Variants in GRM5 observed in about 807,000 individuals in gnomAD.
GRM5 encodes the protein glutamate metabotropic receptor 5, also known as metabotropic glutamate receptor 5.
Under a neutral mutation model 83.1 loss-of-function variants are expected in GRM5, and 19 were observed. That is an observed-to-expected ratio of 0.23 (90% CI 0.16 to 0.34). The LOEUF (loss-of-function observed/expected upper bound fraction) is 0.34. GRM5 is among the 10% of genes least tolerant of loss of function. The pLI, the probability that GRM5 is intolerant of heterozygous loss-of-function variation, is 1.00. For missense variants in GRM5, 1,160 were observed against 1,588.3 expected (o/e 0.73, Z 4.58); for synonymous variants, 675 against 633.6 (o/e 1.07, Z -0.98).
rs905233746 is a variant in GRM5, at chr11:88,649,067, TATA to T, written c.1147+4098_1147+4100del. Among the ~76,000 whole-genome samples, 55 of 145,006 alleles carry T rather than the reference TATA, an allele frequency of 3.8e-4. 1 individual carries two copies. Among genetic ancestry groups the T allele is most frequent in the Non-Finnish European group, 5.6e-4 (37 of 66,526 alleles). On this transcript the variant is annotated intron_variant, in intron 4 of 9. Coordinates refer to ENST00000305447, the MANE Select transcript of GRM5 (RefSeq NM_001143831.3). ...TATACATAATATATAATATATATAT[TATA>T]ATATATAATACATATATTAAAATAT... is the stretch of plus-strand genomic sequence containing the variant.
At chr11:88,623,659 C>T (rs1375357154) in intron 4 of GRM5, among the ~76,000 whole-genome samples, 1 of 152,174 alleles carries the variant, frequency 6.6e-6, no homozygotes, top group Non-Finnish European at 1.5e-5. Context: ...AGTAAATTGG[C>T]AGCTGTATTC....
intron 2 of GRM5, among the ~76,000 whole-genome samples, chr11:88,969,708 C>A (rs1248766843): frequency 6.6e-6 from 1 of 151,828 alleles, no homozygotes; most frequent in East Asian, 1.9e-4. Flanking sequence ...AGACATGAGA[C>A]CATCATTAAC....
chr11:88,969,328 C>T (rs2135000617), intron 2 of GRM5, among the ~76,000 whole-genome samples: 1 of 152,128 alleles, frequency 6.6e-6, no homozygotes, highest in South Asian at 2.1e-4. Context: ...TGCTTGGGGA[C>T]AGTATTTTTA....
chr11:88,826,056 G>A (rs1252220305), intron 3 of GRM5, among the ~76,000 whole-genome samples: 3 of 152,134 alleles, frequency 2.0e-5, no homozygotes, highest in Non-Finnish European at 2.9e-5. Flanking sequence ...CTGGTGTTAA[G>A]AGGTGTTTTC....
intron 2 of GRM5, among the ~76,000 whole-genome samples, chr11:88,913,630 A>G (rs1590959694): frequency 7.5e-6 from 1 of 132,746 alleles, no homozygotes; most frequent in Non-Finnish European, 1.5e-5. Flanking sequence ...TTTGTCACCC[A>G]GGCTGGAGTG....
chr11:89,034,159 A>G (rs546462933), intron 2 of GRM5, among the ~76,000 whole-genome samples: 6 of 151,866 alleles, frequency 4.0e-5, no homozygotes, highest in East Asian at 3.9e-4. Flanking sequence ...GTTGTATGCT[A>G]TATCTGTCAG....
chr11:88,531,390 G>T (rs1429310999), intron 8 of GRM5, among the ~76,000 whole-genome samples: 1 of 152,056 alleles, frequency 6.6e-6, no homozygotes, highest in Non-Finnish European at 1.5e-5. Flanking sequence ...GAAGGGAAAG[G>T]TCAGTGGATG....
intron 3 of GRM5, among the ~76,000 whole-genome samples, chr11:88,783,868 A>G (rs972719457): frequency 6.6e-6 from 1 of 152,104 alleles, no homozygotes; most frequent in African/African-American, 2.4e-5. Flanking sequence ...CCTGCAAAGC[A>G]TCTATACACT....
intron 2 of GRM5, among the ~76,000 whole-genome samples, chr11:88,935,347 G>A (rs1590977205): frequency 8.4e-6 from 1 of 118,354 alleles, no homozygotes; most frequent in Non-Finnish European, 1.8e-5. Flanking sequence ...AATAGTGTGT[G>A]TATGTGTGTG....
At chr11:89,041,338 C>T (rs1216265802) in intron 2 of GRM5, among the ~76,000 whole-genome samples, 1 of 152,204 alleles carries the variant, frequency 6.6e-6, no homozygotes, top group Non-Finnish European at 1.5e-5. Context: ...TCAGCTTAGT[C>T]ATCCTGGACA....
At chr11:88,656,830 T>C (rs2135311614) in intron 3 of GRM5, among the ~76,000 whole-genome samples, 1 of 152,130 alleles carries the variant, frequency 6.6e-6, no homozygotes, top group South Asian at 2.1e-4. Flanking sequence ...TTATATAACA[T>C]GTATGTTATA....
At chr11:88,644,599 T>G (rs1939390010) in intron 4 of GRM5, among the ~76,000 whole-genome samples, 1 of 152,228 alleles carries the variant, frequency 6.6e-6, no homozygotes. Context: ...GTATCATTTT[T>G]CTTTCTGCAG....
At chr11:89,024,322 G>A (rs1194344658) in intron 2 of GRM5, among the ~76,000 whole-genome samples, 6 of 152,170 alleles carry the variant, frequency 3.9e-5, no homozygotes, top group Non-Finnish European at 4.4e-5. Flanking sequence ...AGCCCTGCCG[G>A]GCCAGAGATA....
chr11:88,960,915 GT>G (rs2134984571), intron 2 of GRM5, among the ~76,000 whole-genome samples: 1 of 152,260 alleles, frequency 6.6e-6, no homozygotes, highest in East Asian at 1.9e-4. Flanking sequence ...AGATGAAGCG[GT>G]TTTTAACAGA....
At chr11:88,715,136 C>G (rs532875806) in intron 3 of GRM5, among the ~76,000 whole-genome samples, 1 of 152,086 alleles carries the variant, frequency 6.6e-6, no homozygotes, top group South Asian at 2.1e-4. Flanking sequence ...TAAATAAAAG[C>G]ATTACTAGGG....
At chr11:88,744,278 G>A (rs1035941714) in intron 3 of GRM5, among the ~76,000 whole-genome samples, 2 of 152,110 alleles carry the variant, frequency 1.3e-5, no homozygotes, top group African/African-American at 2.4e-5. Flanking sequence ...ATTATACCGA[G>A]GCCTAATAGC....
At chr11:88,535,362 A>T (rs1942110165) in intron 8 of GRM5, among the ~76,000 whole-genome samples, 1 of 152,178 alleles carries the variant, frequency 6.6e-6, no homozygotes. Flanking sequence ...ACACTGGAAA[A>T]CATAGTCTCT....
At chr11:89,024,077 G>A (rs1284769963) in intron 2 of GRM5, among the ~76,000 whole-genome samples, 7 of 151,254 alleles carry the variant, frequency 4.6e-5, no homozygotes, top group Non-Finnish European at 1.0e-4. Context: ...TTAGTTGGGC[G>A]TGGTGGTCCA....
chr11:88,563,436 C>A (rs969200339), intron 8 of GRM5, among the ~76,000 whole-genome samples: 1 of 152,146 alleles, frequency 6.6e-6, no homozygotes, highest in Admixed American at 6.5e-5. Flanking sequence ...CAATTAGTAT[C>A]CTCTTTAAGA....
Sources: gnomAD v4.1 joint callset for allele counts (sites outside exome capture counted in the v4.1 genomes callset) on GRCh38, gnomAD v4.1.1 for gene constraint, MANE v1.5 for transcripts, NCBI Gene and HGNC (gene_info 2026-07-23, HGNC 2026-07-21) for gene names.